AZIN2: variants seen among roughly 807,000 people sequenced by gnomAD.
AZIN2 encodes the protein ODC antizyme inhibitor-2.
Under a neutral mutation model 47.8 loss-of-function variants are expected in AZIN2, and 28 were observed. The observed-to-expected ratio is 0.59, with a 90% CI of 0.43 to 0.80. The LOEUF is 0.80. Among genes scored for constraint, AZIN2 ranks in the 30% least tolerant of loss-of-function variants. The pLI is 0.00. For synonymous variants in AZIN2, 221 were observed against 239.4 expected, an observed-to-expected ratio of 0.92 and a Z score of 0.71; for missense variants, 535 against 582.5, an observed-to-expected ratio of 0.92 and a Z score of 0.84.
chr1:33,100,350 A>G (rs1183366521), intron 10 of AZIN2, among the ~76,000 whole-genome samples: 1 of 151,974 alleles, frequency 6.6e-6, no homozygotes, highest in Non-Finnish European at 1.5e-5. Flanking sequence ...AAAAGAAAAA[A>G]AGTTGTATGA....
chr1:33,092,161 C>A lies in AZIN2; in HGVS notation c.391C>A (p.Leu131Met), dbSNP rs895438268. 6 of 1,614,090 alleles carry A rather than the reference C, an allele frequency of 3.7e-6. No individual in the cohort carries two copies. The highest frequency in any genetic ancestry group is 5.1e-6 in the Non-Finnish European group (6 of 1,180,056). ...ATATGCTGCCAAGCATGGGATCCAG[C>A]TGCTGAGCTTTGACAATGAGATGGA... ...IKYAAKHGIQ[L>M]LSFDNEMELA... Residue 131 changes from leucine (L) to methionine (M), a missense_variant, in exon 6 of 12, where the codon CTG becomes ATG. By Grantham distance (15) the Leu-to-Met change is conservative. Transcript: ENST00000294517.
the AZIN2 span, among the ~76,000 whole-genome samples, chr1:33,133,844 T>C: frequency 3.3e-5 from 5 of 152,244 alleles, no homozygotes; most frequent in African/African-American, 1.2e-4. Flanking sequence ...TGGCCAATTG[T>C]TCTTCCCCTA....
intron 10 of AZIN2, among the ~76,000 whole-genome samples, chr1:33,111,587 G>T (rs533865812): frequency 6.6e-6 from 1 of 151,922 alleles, no homozygotes; most frequent in South Asian, 2.1e-4. Flanking sequence ...TAAGAGATTA[G>T]TAGACAAAAT....
intron 5 of AZIN2, among the ~76,000 whole-genome samples, chr1:33,090,710 C>A (rs1642441402): frequency 6.6e-6 from 1 of 152,046 alleles, no homozygotes; most frequent in Non-Finnish European, 1.5e-5. Context: ...TGGTGAGAAC[C>A]CCTAAGGTCT....
chr1:33,094,455 C>T (rs1278642682), intron 7 of AZIN2, 93 bp from the exon 8 acceptor site: 2 of 1,329,504 alleles, frequency 1.5e-6, no homozygotes, highest in Non-Finnish European at 2.1e-6. Context: ...GGCACAGTGT[C>T]TCATGTGCCT....
the AZIN2 span, chr1:33,147,272 A>G: frequency 2.5e-6 from 4 of 1,614,112 alleles, no homozygotes; most frequent in East Asian, 4.5e-5. This position sits in a 1 kb window ranked among gnomAD's most constrained non-coding sequence, Gnocchi z 8.1. Context: ...TTGCCAGGGA[A>G]CTTCTCGCGG....
the AZIN2 span, among the ~76,000 whole-genome samples, chr1:33,148,167 T>A: frequency 8.5e-5 from 13 of 152,158 alleles, no homozygotes; most frequent in African/African-American, 3.1e-4. Context: ...GATCCAGGGA[T>A]GCTAAAGACC....
chr1:33,139,477 G>A, the AZIN2 span, among the ~76,000 whole-genome samples: 1 of 152,156 alleles, frequency 6.6e-6, no homozygotes, highest in Non-Finnish European at 1.5e-5. Flanking sequence ...TGAATCTCCT[G>A]GACCTGGATG....
At chr1:33,146,676 C>T in the AZIN2 span, 2 of 169,942 alleles carry the variant, frequency 1.2e-5, no homozygotes, top group African/African-American at 4.8e-5. Flanking sequence ...CTCAGGCAAC[C>T]CTAGGACCAG....
rs1386674031 is a variant in AZIN2, at chr1:33,113,736, A to G, written c.1030-4166A>G. 7.9e-5 allele frequency among the ~76,000 whole-genome samples: 12 copies of G among 152,228 alleles called. No homozygotes were observed. The highest frequency in any genetic ancestry group is 5.2e-4 in the Admixed American group (8 of 15,284). ...CTAGTTTCTCCATTTGGAAAATGAC[A>G]GGGCTGAACTTCAGTGTATCTCAAT... On this transcript the variant is annotated intron_variant, in intron 10 of 11. Coordinates refer to ENST00000294517, the MANE Select transcript of AZIN2 (RefSeq NM_052998.4). The surrounding 1 kb of genome is among the most constrained non-coding windows in gnomAD (Gnocchi z 4.1).
chr1:33,118,117 G>A lies in AZIN2; in HGVS notation c.1244+1G>A. 6.6e-7 allele frequency: 1 copy of A among 1,507,360 alleles called. No individual in the cohort carries two copies. The highest frequency in any genetic ancestry group is 8.8e-7 in the Non-Finnish European group (1 of 1,130,704). 93.4% of individuals were successfully genotyped at this position (1,507,360 alleles called of 1,614,324 possible). A position where few individuals can be genotyped will look rare whatever the true frequency, so the allele number is the denominator to read the frequency against. ...CCTATGCCATGTCCCGGGTGGCCTG[G>A]TAAGAGGGCCCTGCTGGAAAATGGG... On this transcript the variant is annotated splice_donor_variant, in intron 11 of 11. Transcript: ENST00000294517. LOFTEE classifies it high-confidence loss of function.
the AZIN2 span, among the ~76,000 whole-genome samples, chr1:33,154,495 T>C: frequency 6.6e-6 from 1 of 151,870 alleles, no homozygotes; most frequent in Non-Finnish European, 1.5e-5. Context: ...TTTTTTTTTC[T>C]TAATTAAATT....
At chr1:33,135,468 T>G in the AZIN2 span, among the ~76,000 whole-genome samples, 1 of 152,230 alleles carries the variant, frequency 6.6e-6, no homozygotes, top group African/African-American at 2.4e-5. Context: ...AAATTCTAGC[T>G]GTCGTTAGGC....
chr1:33,163,298 C>T, the AZIN2 span: 1 of 152,186 alleles, frequency 6.6e-6, no homozygotes, highest in South Asian at 2.1e-4. Context: ...CTCAGCCTCC[C>T]AAAGTGCTAG....
intron 11 of AZIN2, 67 bp downstream of exon 11, chr1:33,118,183 A>G (rs916631446): frequency 2.0e-5 from 29 of 1,451,932 alleles, no homozygotes; most frequent in Non-Finnish European, 2.6e-5. Flanking sequence ...GAAACTTGAG[A>G]TTTGAGATTC....
the AZIN2 span, among the ~76,000 whole-genome samples, chr1:33,152,568 A>C: frequency 1.4e-5 from 2 of 141,680 alleles, no homozygotes; most frequent in African/African-American, 5.0e-5. Flanking sequence ...ACTCCGTCTC[A>C]AAAAGAAAAA....
At chr1:33,132,731 G>C in the AZIN2 span, among the ~76,000 whole-genome samples, 1 of 152,170 alleles carries the variant, frequency 6.6e-6, no homozygotes, top group Non-Finnish European at 1.5e-5. Context: ...TCACCACCTG[G>C]CACTCCTGGC....
At chr1:33,159,731 C>T in the AZIN2 span, 1,173 of 1,612,102 alleles carry the variant, frequency 7.3e-4, 1 homozygote, top group Non-Finnish European at 8.4e-4. This position sits in a 1 kb window ranked among gnomAD's most constrained non-coding sequence, Gnocchi z 4.2. Flanking sequence ...GTGTGCCGGT[C>T]GGTTTCAGCC....
At chr1:33,111,433 T>C (rs1484032187) in intron 10 of AZIN2, among the ~76,000 whole-genome samples, 1 of 152,122 alleles carries the variant, frequency 6.6e-6, no homozygotes, top group Non-Finnish European at 1.5e-5. Flanking sequence ...TGTAAATGTA[T>C]AGAGTAACCA....
Sources: allele counts gnomAD v4.1 joint callset (sites outside exome capture counted in the v4.1 genomes callset), GRCh38; gene constraint gnomAD v4.1.1; non-coding constraint Gnocchi (gnomAD v3.1); transcripts MANE v1.5; gene names NCBI Gene and HGNC (gene_info 2026-07-23, HGNC 2026-07-21).